The following ZNF687 variants were observed in gnomAD, a reference collection of about 807,000 sequenced individuals.
The protein encoded by ZNF687 is zinc finger protein 687.
Under a neutral mutation model 71.8 loss-of-function variants are expected in ZNF687, and 13 were observed. The ratio of observed to expected loss-of-function variants is 0.18; its 90% CI spans 0.12 to 0.29. The LOEUF is 0.29. Ranked by LOEUF, ZNF687 falls within the 10% of genes least tolerant of loss-of-function variation. The pLI, the probability that ZNF687 is intolerant of heterozygous loss-of-function variation, is 1.00. For missense variants in ZNF687, 1,412 were observed against 1,625.6 expected (o/e 0.87, Z 2.26); for synonymous variants, 673 against 641.6 (o/e 1.05, Z -0.74).
At chr1:151,285,026 T>C (rs1170273397) in intron 1 of ZNF687, among the ~76,000 whole-genome samples, 1 of 151,934 alleles carries the variant, frequency 6.6e-6, no homozygotes, top group Non-Finnish European at 1.5e-5. Context: ...CCCAAGTGAT[T>C]GGCCTCCCAA....
chr1:151,288,289 C>T lies in ZNF687; in HGVS notation c.1998C>T (p.Ala666=), dbSNP rs760092304. Residue 666 remains alanine (A), a synonymous_variant, in exon 2 of 9, where the codon GCC becomes GCT. Transcript: ENST00000336715. ...PLSTEPPAAP[A]TSAYTCFRCL... is the part of the protein sequence containing the mutation. ...CCACAGAGCCGCCTGCTGCCCCGGCCACCTCTGCTTACACATGCTTTCGCT... is the reference window on the plus strand; with the variant it reads ...CCACAGAGCCGCCTGCTGCCCCGGCTACCTCTGCTTACACATGCTTTCGCT... 177 of 1,613,390 alleles carry T rather than the reference C, an allele frequency of 1.1e-4. No homozygotes were observed. Among genetic ancestry groups the T allele is most frequent in the Non-Finnish European group, 1.4e-4 (166 of 1,180,010 alleles).
intron 2 of ZNF687, 45 bp from the exon 3 acceptor site, chr1:151,288,483 A>G (rs758895026): frequency 6.3e-7 from 1 of 1,579,580 alleles, no homozygotes; most frequent in Non-Finnish European, 8.6e-7. Flanking sequence ...AGTAATGGAG[A>G]CAGGACACTC....
chr1:151,282,282 C>T, upstream of ZNF687: 14 of 1,004,362 alleles, frequency 1.4e-5, no homozygotes, highest in Non-Finnish European at 1.7e-5. Flanking sequence ...AGTGGGGAGG[C>T]CGAACCGGAG....
rs753637977 is a variant in ZNF687, at chr1:151,286,489, A to G, written c.198A>G (p.Pro66=). Residue 66 remains proline (P), a synonymous_variant, in exon 2 of 9, where the codon CCA becomes CCG. Transcript: ENST00000336715. ...AASAGDGPGV[P]AQASDHGLPP... is the part of the protein sequence containing the mutation. ...CTGCTGGGGATGGCCCTGGAGTTCCAGCCCAGGCCTCTGACCATGGCCTGC... is the reference window on the plus strand; with the variant it reads ...CTGCTGGGGATGGCCCTGGAGTTCCGGCCCAGGCCTCTGACCATGGCCTGC... 26 of 1,614,090 alleles carry G rather than the reference A, an allele frequency of 1.6e-5. No homozygotes were observed. The highest frequency in any genetic ancestry group is 2.2e-5 in the Non-Finnish European group (26 of 1,179,936).
At position 151,286,943 on chromosome 1, in the gene ZNF687, T is replaced by G; in HGVS notation, c.652T>G (p.Leu218Val). ...GCAGCCACCTGTTTCTTCCCCACCA[T>G]TGGGGGCCTTGAAGCAGGAGAGCTG... is the stretch of plus-strand genomic sequence containing the variant. ...GMQPPVSSPP[L>V]GALKQESCSP... Residue 218 changes from leucine to valine, a missense_variant, in exon 2 of 9, where the codon TTG becomes GTG. Around this residue, in one of 8 missense-constraint regions of ZNF687, gnomAD observed 490 missense variants for 489.9 expected, o/e 1.00. Coordinates refer to ENST00000336715, the MANE Select transcript of ZNF687 (RefSeq NM_020832.3). 1 of 1,611,648 alleles carries G rather than the reference T, an allele frequency of 6.2e-7. No individual in the cohort carries two copies. The highest frequency in any genetic ancestry group is 8.5e-7 in the Non-Finnish European group (1 of 1,178,512).
chr1:151,286,944 TGGG>T lies in ZNF687; in HGVS notation c.656_658del (p.Gly219del). 6.2e-7 allele frequency: 1 copy of T among 1,611,602 alleles called. No individual in the cohort carries two copies. The highest frequency in any genetic ancestry group is 8.5e-7 in the Non-Finnish European group (1 of 1,178,486). On this transcript the variant is annotated inframe_deletion, in exon 2 of 9. Transcript: ENST00000336715. The stretch of plus-strand genomic sequence containing the variant: ...CAGCCACCTGTTTCTTCCCCACCAT[TGGG>T]GGCCTTGAAGCAGGAGAGCTGCAGC...
rs758809375 is a variant in ZNF687 at position 151,291,011 on chromosome 1, G to A, written c.3516G>A (p.Leu1172=). 20 of 1,613,832 alleles carry A rather than the reference G, an allele frequency of 1.2e-5. No homozygotes were observed. In the East Asian group the frequency reaches 3.6e-4, roughly 29 times the overall value. ...TGGGTAAAGCCAGTGCCCTGGGGCT[G>A]GGGGATGGGGAGGAAGAGGCCCCTC... ...RGVGKASALG[L]GDGEEEAPPS... is the part of the protein sequence containing the mutation. The change falls in exon 9 of 9, where the codon CTG becomes CTA. Residue 1172 remains leucine (L), a synonymous_variant. Transcript: ENST00000336715.
In ZNF687 at chr1:151,290,943, C is replaced by G. The variant is rs1557775848; in HGVS notation, c.3448C>G (p.Leu1150Val). 3 of 1,613,844 alleles carry G rather than the reference C, an allele frequency of 1.9e-6. No homozygotes were observed. The highest frequency in any genetic ancestry group is 2.5e-6 in the Non-Finnish European group (3 of 1,180,016). ...CTTGTGCTTTGCCTCCCCTGGCTCC[C>G]TGAGCCGACACCGTTTCATCAGCCA... ...CGLCFASPGSLSRHRFISHKK... is the reference protein window; with the variant it reads ...CGLCFASPGSVSRHRFISHKK... The change falls in exon 9 of 9, where the codon CTG becomes GTG. Residue 1150 changes from leucine (L) to valine (V), a missense_variant. Transcript: ENST00000336715.
rs1693963832 is a variant in ZNF687 at position 151,286,741 on chromosome 1, A to G, written c.450A>G (p.Lys150=). 1 of 1,614,210 alleles carries G rather than the reference A, an allele frequency of 6.2e-7. No individual in the cohort carries two copies. The change falls in exon 2 of 9, where the codon AAA becomes AAG. Residue 150 remains lysine, a synonymous_variant. Coordinates refer to ENST00000336715, the MANE Select transcript of ZNF687 (RefSeq NM_020832.3). ...SPAPPSGGTW[K]EKGMEGKTPL... is the part of the protein sequence containing the mutation. ...CTCCTCCCAGTGGGGGCACCTGGAA[A>G]GAAAAAGGCATGGAAGGCAAAACTC...
At chr1:151,283,202 G>T (rs1693799019) in intron 1 of ZNF687, 1 of 985,272 alleles carries the variant, frequency 1.0e-6, no homozygotes, top group Non-Finnish European at 1.2e-6. Context: ...TGCTCCCCGC[G>T]CCAGCCCTCG....
chr1:151,281,535 T>C (rs1246253927), upstream of ZNF687: 2 of 471,004 alleles, frequency 4.2e-6, no homozygotes, highest in Non-Finnish European at 8.8e-6. Flanking sequence ...CCGCGAGCCC[T>C]TCCCAACCTT....
rs587621711 is a variant in ZNF687 at position 151,290,099 on chromosome 1, G to A, written c.2965-23G>A. 1.7e-5 allele frequency: 27 copies of A among 1,613,610 alleles called. No individual in the cohort carries two copies. The South Asian group carries it at 2.6e-4, about 16-fold the overall frequency. ...GGACGGGGTCCTGGAGCCTGGCTCT[G>A]ACATCTACCCCTGCTCTCCTAGTCA... On this transcript the variant is annotated intron_variant, in intron 6 of 8. Transcript: ENST00000336715.
chr1:151,289,784 G>A lies in ZNF687; in HGVS notation c.2741G>A (p.Gly914Glu), dbSNP rs780769154. 1.3e-6 allele frequency: 2 copies of A among 1,562,932 alleles called. No homozygotes were observed. The highest frequency in any genetic ancestry group is 2.7e-5 in the African/African-American group (2 of 73,586). ...EPEELAVSQG[G>E]AAPATEESSS... ...GAGGAGCTGGCTGTTTCTCAGGGAG[G>A]GGCAGCCCCTGCTACTGAGGAGTCG... Residue 914 changes from glycine to glutamate, a missense_variant, in exon 6 of 9, where the codon GGG becomes GAG. Gly to Glu is a moderately conservative substitution (Grantham distance 98, BLOSUM62 -2). Around this residue, in one of 8 missense-constraint regions of ZNF687, gnomAD observed 135 missense variants for 104.1 expected, o/e 1.30. Coordinates refer to ENST00000336715, the MANE Select transcript of ZNF687 (RefSeq NM_020832.3).
At position 151,289,967 on chromosome 1, in the gene ZNF687, G is replaced by A. The variant is rs780745156; in HGVS notation, c.2924G>A (p.Arg975His). ...CTGTGTCACTCCTGGTTCCCTGAGC[G>A]TGATGAATACGTGGCCCACATGAAG... ...CGLCHSWFPERDEYVAHMKKE... is the reference protein window; with the variant it reads ...CGLCHSWFPEHDEYVAHMKKE... Residue 975 changes from arginine (R) to histidine (H), a missense_variant, in exon 6 of 9, where the codon CGT (arginine) becomes CAT (histidine). Transcript: ENST00000336715. 5.1e-6 allele frequency: 8 copies of A among 1,577,114 alleles called. No homozygotes were observed. Among genetic ancestry groups the A allele is most frequent in the African/African-American group, 1.4e-5 (1 of 73,944 alleles).
chr1:151,289,654 A>G (rs1170707072), intron 5 of ZNF687, 24 bp from the exon 6 acceptor site: 1 of 1,588,750 alleles, frequency 6.3e-7, no homozygotes, highest in Non-Finnish European at 8.6e-7. Context: ...CCACAACAGC[A>G]ACCTCCCTTG....
At position 151,289,987 on chromosome 1, in the gene ZNF687, A is replaced by G. The variant is rs759370088; in HGVS notation, c.2944A>G (p.Met982Val). 1.9e-6 allele frequency: 3 copies of G among 1,582,770 alleles called. No homozygotes were observed. The highest frequency in any genetic ancestry group is 2.3e-5 in the East Asian group (1 of 44,432). ...TGAGCGTGATGAATACGTGGCCCAC[A>G]TGAAGAAGGAGCATGGCAAGGTGAG... ...FPERDEYVAH[M>V]KKEHGKSVKK... The change falls in exon 6 of 9, where the codon ATG (methionine) becomes GTG (valine). Residue 982 changes from methionine to valine, a missense_variant. Around this residue, in one of 8 missense-constraint regions of ZNF687, gnomAD observed 284 missense variants for 359.2 expected, o/e 0.79. Coordinates refer to ENST00000336715, the MANE Select transcript of ZNF687 (RefSeq NM_020832.3).
In ZNF687 at chr1:151,291,475, C is replaced by T; in HGVS notation, c.*266C>T. ...TTAATTTTATGCTCCTGCTGCAGAA[C>T]CCCCAGTGTGGGCCTGGGGGTGGGA... On this transcript the variant is annotated 3_prime_UTR_variant, in exon 9 of 9. Transcript: ENST00000336715. 2.4e-6 allele frequency: 1 copy of T among 413,774 alleles called. No homozygotes were observed. 25.6% of individuals were successfully genotyped at this position (413,774 alleles called of 1,614,324 possible).
At chr1:151,282,234 C>G, upstream of ZNF687, 5 of 1,030,366 alleles carry the variant, frequency 4.9e-6, no homozygotes, top group Middle Eastern at 7.1e-4. Context: ...AGTGCGAAAA[C>G]GGGCAGCCCA....
intron 7 of ZNF687, 80 bp downstream of exon 7, chr1:151,290,314 G>C (rs1694168099): frequency 6.2e-6 from 10 of 1,607,496 alleles, no homozygotes; most frequent in Non-Finnish European, 8.5e-6. Context: ...CACCTGCGAC[G>C]TGTCTAAGTG....
Sources: allele counts gnomAD v4.1 joint callset (sites outside exome capture counted in the v4.1 genomes callset), GRCh38; gene constraint gnomAD v4.1.1; regional missense constraint gnomAD v4.1.1; transcripts MANE v1.5; gene names NCBI Gene and HGNC (gene_info 2026-07-23, HGNC 2026-07-21).